TRPV3: variants seen among roughly 807,000 people sequenced by gnomAD.
TRPV3 encodes transient receptor potential cation channel subfamily V member 3.
Under a neutral mutation model 87.1 loss-of-function variants are expected in TRPV3, and 88 were observed. The ratio of observed to expected loss-of-function variants is 1.01; its 90% CI spans 0.85 to 1.21. TRPV3 has a LOEUF of 1.21. Among genes scored for constraint, TRPV3 ranks in the 50% most tolerant of loss-of-function variants. The pLI is 0.00. For missense variants in TRPV3, 1,054 were observed against 1,030.1 expected (o/e 1.02, Z -0.32); for synonymous variants, 438 against 423.3 (o/e 1.03, Z -0.43).
chr17:3,542,590 G>T lies in TRPV3; in HGVS notation c.575C>A (p.Ala192Asp). ...CAGGATGTCGTTCTCTTCAGCAAAG[G>T]CAAGCAGGATCCGCACTATCTCCTT... ...NTKEIVRILL[A>D]FAEENDILGR... Residue 192 changes from alanine to aspartate, a missense_variant, in exon 6 of 18, where the codon GCC becomes GAC. Coordinates refer to ENST00000576742, the MANE Select transcript of TRPV3 (RefSeq NM_145068.4). 6.2e-7 allele frequency: 1 copy of T among 1,613,984 alleles called. No homozygotes were observed. The highest frequency in any genetic ancestry group is 8.5e-7 in the Non-Finnish European group (1 of 1,179,920).
intron 6 of TRPV3, among the ~76,000 whole-genome samples, chr17:3,542,278 G>A (rs1567641876): frequency 6.6e-6 from 1 of 152,244 alleles, no homozygotes; most frequent in Non-Finnish European, 1.5e-5. Flanking sequence ...GCTTTAACCT[G>A]TCTTGTTCAC....
chr17:3,518,935 G>A lies in TRPV3; in HGVS notation c.1811-85C>T, dbSNP rs1198436909. The A allele has an allele frequency of 7.1e-7, 1 of 1,405,378 alleles. No individual in the cohort carries two copies. The highest frequency in any genetic ancestry group is 9.6e-7 in the Non-Finnish European group (1 of 1,040,170). The allele number at this position is 1,405,378 out of a possible 1,614,324, so 87.1% of individuals were successfully genotyped here. The stretch of plus-strand genomic sequence containing the variant: ...TTGCGTGTATTTGCCTACATGACAA[G>A]CCTGCTGCCTCCTTCTCTCTGGCCA... On this transcript the variant is annotated intron_variant, in intron 14 of 17. Coordinates refer to ENST00000576742, the MANE Select transcript of TRPV3 (RefSeq NM_145068.4). The surrounding 1 kb of genome is among the most constrained non-coding windows in gnomAD (Gnocchi z 4.3).
At chr17:3,543,446 G>T (rs1434145856) in intron 5 of TRPV3, 28 bp downstream of exon 5, 1 of 1,610,126 alleles carries the variant, frequency 6.2e-7, no homozygotes, top group Non-Finnish European at 8.5e-7. Context: ...CCCCAGCCCT[G>T]CACCCTCTGC....
Position 3,556,210 on chromosome 17 carries a change from T to C in TRPV3, c.-2-1358A>G, listed in dbSNP as rs1317928252. 2.6e-5 allele frequency among the ~76,000 whole-genome samples: 4 copies of C among 151,452 alleles called. No individual in the cohort carries two copies. The highest frequency in any genetic ancestry group is 9.7e-5 in the African/African-American group (4 of 41,254). ...TGAAAAAAAAAAAAAATAAAGTTTT[T>C]ATTAAACATAAAAAAGGAGCTATGG... On this transcript the variant is annotated intron_variant, in intron 1 of 17. Coordinates refer to ENST00000576742, the MANE Select transcript of TRPV3 (RefSeq NM_145068.4). This position sits in a 1 kb window ranked among gnomAD's most constrained non-coding sequence, Gnocchi z 4.2.
rs373362748 is a variant in TRPV3 at position 3,542,577 on chromosome 17, C to G, written c.588G>C (p.Glu196Asp). The G allele has an allele frequency of 1.3e-4, 207 of 1,613,884 alleles. No individual in the cohort carries two copies. Among genetic ancestry groups the G allele is most frequent in the Non-Finnish European group, 1.7e-4 (201 of 1,179,932 alleles). Residue 196 changes from glutamate (E) to aspartate (D), a missense_variant, in exon 6 of 18, where the codon GAG becomes GAC. Transcript: ENST00000576742. ...IVRILLAFAE[E>D]NDILGRFINA... ...TGATGAACCTGCCCAGGATGTCGTT[C>G]TCTTCAGCAAAGGCAAGCAGGATCC...
chr17:3,528,482 C>G lies in TRPV3; in HGVS notation c.1401+355G>C, dbSNP rs754785505. 6.6e-6 allele frequency among the ~76,000 whole-genome samples: 1 copy of G among 152,310 alleles called. No individual in the cohort carries two copies. The highest frequency in any genetic ancestry group is 2.1e-4 in the South Asian group (1 of 4,822). ...GTGCCCCACGTGACGCATGGGAAAC[C>G]GAAGCCCAGCAGGCAGGGAGAGCTT... On this transcript the variant is annotated intron_variant, in intron 10 of 17. Transcript: ENST00000576742. This position sits in a 1 kb window ranked among gnomAD's most constrained non-coding sequence, Gnocchi z 4.2.
intron 7 of TRPV3, among the ~76,000 whole-genome samples, chr17:3,535,179 C>CCTCCCTTCCTCCCTCTCCCTTCCTCCCT (rs141719765): frequency 2.1e-4 from 25 of 121,208 alleles, no homozygotes; most frequent in African/African-American, 6.1e-4. Flanking sequence ...CCTCCTTCCT[C>CCTCCCTTCCTCCCTCTCCCTTCCTCCCT]CTCCCTTCCT....
Position 3,528,025 on chromosome 17 carries a change from C to T in TRPV3, c.1503G>A (p.Glu501=), listed in dbSNP as rs757382974. The change falls in exon 11 of 18, where the codon GAG becomes GAA. Residue 501 remains glutamate, a splice_region_variant and synonymous_variant. Transcript: ENST00000576742. This position sits in a 1 kb window ranked among gnomAD's most constrained non-coding sequence, Gnocchi z 4.2. ...TGGAAGGGCCGGGTGGCCCACTTAC[C>T]TCTTTCACAGAGATGCACATGGCCC... ...LIWAMCISVK[E]GIAIFLLRPS... 1.2e-6 allele frequency: 2 copies of T among 1,613,024 alleles called. No homozygotes were observed. Among genetic ancestry groups the T allele is most frequent in the Admixed American group, 1.7e-5 (1 of 59,992 alleles).
In TRPV3 at chr17:3,557,546, C is replaced by T. The variant is rs1377663419; in HGVS notation, c.-3+130G>A. On this transcript the variant is annotated intron_variant, in intron 1 of 17. Transcript: ENST00000576742. The surrounding 1 kb of genome is among the most constrained non-coding windows in gnomAD (Gnocchi z 4.5). Reference sequence around the variant, plus strand: ...AGTGGGCCCCTGGCTGGGGCCCAAGCTCCTTCCAACCCTCCTCCCAAGGCC... The same window carrying T: ...AGTGGGCCCCTGGCTGGGGCCCAAGTTCCTTCCAACCCTCCTCCCAAGGCC... The T allele has an allele frequency of 1.3e-5, 2 of 152,490 alleles. No homozygotes were observed. The highest frequency in any genetic ancestry group is 6.5e-5 in the Admixed American group (1 of 15,290). The allele number at this position is 152,490 out of a possible 1,614,324, so 9.4% of individuals were successfully genotyped here. A position where few individuals can be genotyped will look rare whatever the true frequency, so the allele number is the denominator to read the frequency against.
At chr17:3,532,624 G>T in intron 8 of TRPV3, 33 bp downstream of exon 8, 1 of 1,608,874 alleles carries the variant, frequency 6.2e-7, no homozygotes. Flanking sequence ...CTGACCTCCC[G>T]ACCTCCTGCC....
chr17:3,514,716 C>A, intron 16 of TRPV3, 44 bp from the exon 17 acceptor site: 1 of 1,461,392 alleles, frequency 6.8e-7, no homozygotes, highest in Non-Finnish European at 9.6e-7. Flanking sequence ...CAGTGCCTCA[C>A]TGAGTACTAA....
In TRPV3 at chr17:3,529,261, G is replaced by A. The variant is rs567355658; in HGVS notation, c.1243-266C>T. Among the ~76,000 whole-genome samples the A allele has an allele frequency of 5.3e-5, 8 of 152,126 alleles. No homozygotes were observed. The East Asian group carries it at 1.2e-3, about 22-fold the overall frequency. On this transcript the variant is annotated intron_variant, in intron 9 of 17. Coordinates refer to ENST00000576742, the MANE Select transcript of TRPV3 (RefSeq NM_145068.4). ...ACAGCAGAAAGTGGAGGATAGAAGC[G>A]GGCAGGAGGTGGTGGCAGGGGTTCC...
chr17:3,519,902 T>C (rs1190001834), intron 14 of TRPV3, among the ~76,000 whole-genome samples: 1 of 23,878 alleles, frequency 4.2e-5, no homozygotes, highest in African/African-American at 1.4e-4. Context: ...GGATGGATGA[T>C]TAGATGGATG....
intron 3 of TRPV3, 69 bp from the exon 4 acceptor site, chr17:3,544,734 T>C (rs2074507113): frequency 5.2e-6 from 6 of 1,159,032 alleles, no homozygotes; most frequent in African/African-American, 1.5e-5. Context: ...AGGTGGCTCA[T>C]GCATGTAATC....
At chr17:3,550,723 A>G (rs1421709725) in intron 2 of TRPV3, among the ~76,000 whole-genome samples, 1 of 151,400 alleles carries the variant, frequency 6.6e-6, no homozygotes, top group Non-Finnish European at 1.5e-5. Flanking sequence ...ACAGGGTTTC[A>G]CCGTGTTAGC....
At chr17:3,552,261 T>G (rs2074583240) in intron 2 of TRPV3, 1 of 151,604 alleles carries the variant, frequency 6.6e-6, no homozygotes, top group African/African-American at 2.4e-5. Flanking sequence ...TGGCACAATC[T>G]TGGCTCACTG....
In TRPV3 at chr17:3,514,020, TA is replaced by T; in HGVS notation, c.2279-10del. 6.3e-7 allele frequency: 1 copy of T among 1,594,226 alleles called. No homozygotes were observed. The highest frequency in any genetic ancestry group is 8.6e-7 in the Non-Finnish European group (1 of 1,164,446). On this transcript the variant is annotated splice_polypyrimidine_tract_variant and intron_variant, in intron 17 of 17. Transcript: ENST00000576742. ...TTGGATTTTGTTGAAATCTGCTTTT[TA>T]AAAAAATATATATTTTAGAAATATA...
chr17:3,545,376 C>G (rs894401488), intron 2 of TRPV3, 105 bp from the exon 3 acceptor site: 2 of 801,662 alleles, frequency 2.5e-6, no homozygotes, highest in African/African-American at 1.7e-5. Context: ...GAGCACACAC[C>G]CTGGCCAGCT....
chr17:3,532,733 T>C lies in TRPV3; in HGVS notation c.989A>G (p.Asn330Ser). 6.2e-7 allele frequency: 1 copy of C among 1,614,264 alleles called. No homozygotes were observed. Among genetic ancestry groups the C allele is most frequent in the East Asian group, 2.2e-5 (1 of 44,888 alleles). Residue 330 changes from asparagine to serine, a missense_variant, in exon 8 of 18, where the codon AAC (asparagine) becomes AGC (serine). By Grantham distance (46) the Asn-to-Ser change is conservative. Coordinates refer to ENST00000576742, the MANE Select transcript of TRPV3 (RefSeq NM_145068.4). The part of the protein sequence containing the change: ...MYDMILLRSG[N>S]WELETTRNND... ...GTTGCGAGTGGTCTCCAGCTCCCAG[T>C]TGCCACTCCGCAGTAGGATCATGTC...
Sources: allele counts gnomAD v4.1 joint callset (sites outside exome capture counted in the v4.1 genomes callset), GRCh38; gene constraint gnomAD v4.1.1; non-coding constraint Gnocchi (gnomAD v3.1); transcripts MANE v1.5; gene names NCBI Gene and HGNC (gene_info 2026-07-23, HGNC 2026-07-21).